The following BRCC3 variants were observed in gnomAD, a reference collection of about 807,000 sequenced individuals.
BRCC3 encodes the protein lys-63-specific deubiquitinase BRCC36.
A neutral mutation model predicts 28.0 loss-of-function variants in BRCC3; 15 were observed. The observed-to-expected ratio is 0.54, with a 90% CI of 0.36 to 0.82. The LOEUF (loss-of-function observed/expected upper bound fraction) is 0.82. Among genes scored for constraint, BRCC3 ranks in the 40% least tolerant of loss-of-function variants. The pLI is 0.01. For missense variants in BRCC3, 109 were observed against 225.9 expected (o/e 0.48, Z 3.32); for synonymous variants, 66 against 80.3 (o/e 0.82, Z 0.95).
At position 155,071,541 on chromosome X, in the gene BRCC3, TGGTGCAGGC is replaced by T. The variant is rs782702164; in HGVS notation, c.27_35del (p.Gln10_Val12del). 710 of 1,203,958 alleles carry T rather than the reference TGGTGCAGGC, an allele frequency of 5.9e-4. No homozygotes were observed. The highest frequency in any genetic ancestry group is 7.5e-4 in the Non-Finnish European group (667 of 891,909). ...GGTCGGGCCAAGATGGCGGTGCAGG[TGGTGCAGGC>T]GGTGCAGGCGGTTCATCTCGAGTCT... is the stretch of plus-strand genomic sequence containing the variant. On this transcript the variant is annotated inframe_deletion, in exon 1 of 11. Coordinates refer to ENST00000330045, the MANE Select transcript of BRCC3 (RefSeq NM_001018055.3).
intron 8 of BRCC3, 115 bp downstream of exon 8, chrX:155,116,303 TG>T: frequency 4.3e-6 from 3 of 695,611 alleles, no homozygotes; most frequent in Non-Finnish European, 6.2e-6. Flanking sequence ...TTTGCCTCTC[TG>T]GGAAGCTTTC....
At chrX:155,094,627 G>A (rs953405006) in intron 7 of BRCC3, among the ~76,000 whole-genome samples, 3 of 111,321 alleles carry the variant, frequency 2.7e-5, no homozygotes, top group African/African-American at 3.3e-5. Context: ...ATTTAGAACA[G>A]AATTAACCAA....
In BRCC3 at chrX:155,090,967, T is replaced by A. The variant is rs2074170726; in HGVS notation, c.548+128T>A. On this transcript the variant is annotated intron_variant, in intron 7 of 10. Transcript: ENST00000330045. ...GACACTGCATTTTTATTTATACTCATTTACAGCTCTACGATGAGTTAGAAT... is the reference window on the plus strand; with the variant it reads ...GACACTGCATTTTTATTTATACTCAATTACAGCTCTACGATGAGTTAGAAT... The A allele has an allele frequency of 5.8e-6, 3 of 521,057 alleles. No individual in the cohort carries two copies. The East Asian group carries it at 1.1e-4, about 19-fold the overall frequency. 42.9% of individuals were successfully genotyped at this position (521,057 alleles called of 1,213,427 possible).
intron 7 of BRCC3, among the ~76,000 whole-genome samples, chrX:155,105,261 T>C (rs1191353926): frequency 9.0e-6 from 1 of 111,647 alleles, no homozygotes; most frequent in East Asian, 2.8e-4. Flanking sequence ...GGCGCGTGGA[T>C]CACTTGAGGT....
intron 10 of BRCC3, among the ~76,000 whole-genome samples, chrX:155,121,021 T>C (rs1201619476): frequency 8.9e-6 from 1 of 111,758 alleles, no homozygotes; most frequent in Non-Finnish European, 1.9e-5. Context: ...CTCCCTCTCA[T>C]TTTTCACATT....
chrX:155,078,576 A>G, intron 4 of BRCC3, 40 bp from the exon 5 acceptor site: 1 of 1,024,798 alleles, frequency 9.8e-7, no homozygotes, highest in Non-Finnish European at 1.4e-6. Context: ...AGCATCATAA[A>G]TTTTGTTCCC....
intron 3 of BRCC3, among the ~76,000 whole-genome samples, chrX:155,075,269 GA>G (rs1970982525): frequency 9.1e-6 from 1 of 110,488 alleles, no homozygotes; most frequent in African/African-American, 3.3e-5. Context: ...TTCAACATCT[GA>G]TAATGCTAAG....
At chrX:155,076,658 C>A (rs1557293686) in intron 3 of BRCC3, among the ~76,000 whole-genome samples, 1 of 111,261 alleles carries the variant, frequency 9.0e-6, no homozygotes, top group Non-Finnish European at 1.9e-5. Context: ...AAATCCACCC[C>A]TACAATCCAA....
intron 2 of BRCC3, 43 bp from the exon 3 acceptor site, chrX:155,073,334 C>A (rs1557292887): frequency 1.7e-6 from 2 of 1,144,740 alleles, no homozygotes; most frequent in East Asian, 6.5e-5. Context: ...TTTTATATTC[C>A]AAACCCCACT....
At chrX:155,094,369 GATTATT>G (rs1281689771) in intron 7 of BRCC3, among the ~76,000 whole-genome samples, 1 of 109,620 alleles carries the variant, frequency 9.1e-6, no homozygotes, top group Non-Finnish European at 1.9e-5. Context: ...AAATGATAAT[GATTATT>G]ATTATTATTA....
chrX:155,073,331 T>C (rs782434860), intron 2 of BRCC3, 46 bp from the exon 3 acceptor site: 29 of 1,144,628 alleles, frequency 2.5e-5, no homozygotes, highest in African/African-American at 3.7e-5. Context: ...CCTTTTTATA[T>C]TCCAAACCCC....
At chrX:155,074,659 TTAA>T (rs1402767733) in intron 3 of BRCC3, among the ~76,000 whole-genome samples, 1 of 112,493 alleles carries the variant, frequency 8.9e-6, no homozygotes, top group Non-Finnish European at 1.9e-5. Context: ...CATTCCAATC[TTAA>T]TAATGTAATT....
At chrX:155,116,898 C>A (rs2074360270) in intron 9 of BRCC3, 144 bp downstream of exon 9, 2 of 429,194 alleles carry the variant, frequency 4.7e-6, no homozygotes, top group Non-Finnish European at 8.2e-6. Flanking sequence ...TTTTCCTGAT[C>A]CTGAGCCCAA....
Position 155,099,404 on chromosome X carries a change from A to T in BRCC3, c.548+8565A>T, listed in dbSNP as rs782597595. On this transcript the variant is annotated intron_variant, in intron 7 of 10. Transcript: ENST00000330045. ...GAAGAGGAAAGGTAGGAGGGCAAAA[A>T]GGGGCCTGTCCCCCAGCTCAACTGA... 1.1e-4 allele frequency: 133 copies of T among 1,202,332 alleles called. 2 individuals are homozygous for T. The East Asian group carries it at 3.8e-3, about 35-fold the overall frequency.
chrX:155,081,417 C>T (rs2074084987), intron 5 of BRCC3, among the ~76,000 whole-genome samples: 1 of 110,323 alleles, frequency 9.1e-6, no homozygotes, highest in Non-Finnish European at 1.9e-5. Flanking sequence ...CATTCACACT[C>T]ATCTCCAAAC....
chrX:155,095,686 T>C (rs2074205144), intron 7 of BRCC3, among the ~76,000 whole-genome samples: 1 of 111,834 alleles, frequency 8.9e-6, no homozygotes, highest in Admixed American at 9.4e-5. Context: ...TCTTAGGCCT[T>C]AACATTCCCT....
chrX:155,105,303 T>A (rs1411562188), intron 7 of BRCC3, among the ~76,000 whole-genome samples: 6 of 110,797 alleles, frequency 5.4e-5, no homozygotes, highest in Admixed American at 4.8e-4. Context: ...CCCAACATGG[T>A]GAAACCCCAT....
intron 7 of BRCC3, among the ~76,000 whole-genome samples, chrX:155,115,269 G>A (rs1340250099): frequency 8.9e-6 from 1 of 112,046 alleles, no homozygotes; most frequent in African/African-American, 3.2e-5. Flanking sequence ...GGGAGGGCTT[G>A]TAATGCCCCA....
At chrX:155,110,536 A>G (rs1855522254) in intron 7 of BRCC3, among the ~76,000 whole-genome samples, 1 of 106,631 alleles carries the variant, frequency 9.4e-6, no homozygotes, top group South Asian at 4.2e-4. Flanking sequence ...CTCTTTTTTC[A>G]TTCCTTACAT....
Sources: allele counts gnomAD v4.1 joint callset (sites outside exome capture counted in the v4.1 genomes callset), GRCh38; gene constraint gnomAD v4.1.1; transcripts MANE v1.5; gene names NCBI Gene and HGNC (gene_info 2026-07-23, HGNC 2026-07-21).